Variants in SLC26A5 observed in about 807,000 individuals in gnomAD.
SLC26A5 encodes solute carrier family 26 member 5.
Under a neutral mutation model 81.0 loss-of-function variants are expected in SLC26A5, and 51 were observed. That is an observed-to-expected ratio of 0.63 (90% CI 0.50 to 0.80). The LOEUF is 0.80. SLC26A5 is among the 30% of genes least tolerant of loss of function. The pLI is 0.00. For synonymous variants in SLC26A5, 325 were observed against 332.8 expected, an observed-to-expected ratio of 0.98 and a Z score of 0.25; for missense variants, 771 against 905.8, an observed-to-expected ratio of 0.85 and a Z score of 1.91.
intron 8 of SLC26A5, among the ~76,000 whole-genome samples, chr7:103,401,574 C>T (rs962806393): frequency 3.3e-5 from 5 of 152,156 alleles, no homozygotes; most frequent in African/African-American, 1.2e-4. Context: ...CCTGATTGTC[C>T]TGGCCAGAAC....
intron 4 of SLC26A5, among the ~76,000 whole-genome samples, 193 bp from the exon 5 acceptor site, chr7:103,413,305 T>C (rs904524255): frequency 1.3e-5 from 2 of 152,208 alleles, no homozygotes; most frequent in African/African-American, 2.4e-5. Flanking sequence ...AAACTTTGCA[T>C]TGTCATCTCC....
chr7:103,411,497 T>C lies in SLC26A5; in HGVS notation c.493A>G (p.Thr165Ala), dbSNP rs373087571. 5.6e-6 allele frequency: 9 copies of C among 1,614,184 alleles called. No individual in the cohort carries two copies. Among genetic ancestry groups the C allele is most frequent in the Non-Finnish European group, 7.6e-6 (9 of 1,180,024 alleles). Residue 165 changes from threonine to alanine, a missense_variant, in exon 6 of 20, where the codon ACC (threonine) becomes GCC (alanine). Transcript: ENST00000306312. ...DIVIPGGVNA[T>A]NGTEARDALR... ...GCATCTCTGGCCTCTGTGCCATTGG[T>C]TGCATTTACTCCTCCTGGAATGACT...
intron 19 of SLC26A5, chr7:103,362,882 C>T: frequency 1.4e-6 from 1 of 708,578 alleles, no homozygotes; most frequent in South Asian, 1.8e-5. Flanking sequence ...CAACCTCTGC[C>T]TCCCGGGTTC....
At chr7:103,434,705 G>C (rs908018540) in intron 2 of SLC26A5, among the ~76,000 whole-genome samples, 1 of 152,092 alleles carries the variant, frequency 6.6e-6, no homozygotes, top group African/African-American at 2.4e-5. Context: ...AGGCTGGAGT[G>C]CAGTGGCGCG....
Position 103,420,233 on chromosome 7 carries a change from C to T in SLC26A5, c.292+505G>A, listed in dbSNP as rs565318684. On this transcript the variant is annotated intron_variant, in intron 4 of 19. Coordinates refer to ENST00000306312, the MANE Select transcript of SLC26A5 (RefSeq NM_198999.3). ...AGCAAGTGGTAAGATAATGCCCAAG[C>T]AGTGTACTGATCTGCAAAGTAGTAA... Among the ~76,000 whole-genome samples the T allele has an allele frequency of 3.3e-5, 5 of 150,178 alleles. No homozygotes were observed. In the South Asian group the frequency reaches 1.1e-3, roughly 32 times the overall value.
intron 2 of SLC26A5, among the ~76,000 whole-genome samples, chr7:103,432,547 C>T (rs1826156857): frequency 6.6e-6 from 1 of 152,108 alleles, no homozygotes; most frequent in South Asian, 2.1e-4. Flanking sequence ...CATTTCTATA[C>T]TTTTTGAAAT....
At chr7:103,411,631 T>G in intron 5 of SLC26A5, 45 bp from the exon 6 acceptor site, 1 of 1,610,672 alleles carries the variant, frequency 6.2e-7, no homozygotes, top group Non-Finnish European at 8.5e-7. Context: ...GTTCAGAGTA[T>G]CTGATATGGT....
chr7:103,390,844 G>A (rs1465608279), intron 11 of SLC26A5, among the ~76,000 whole-genome samples: 1 of 151,548 alleles, frequency 6.6e-6, no homozygotes, highest in Non-Finnish European at 1.5e-5. Context: ...ATGGGAGCCA[G>A]TAGCCACATG....
intron 4 of SLC26A5, among the ~76,000 whole-genome samples, chr7:103,414,733 A>G (rs1824776996): frequency 6.6e-6 from 1 of 152,212 alleles, no homozygotes; most frequent in African/African-American, 2.4e-5. Context: ...ATCCATGTGC[A>G]GGTTCACTTG....
In SLC26A5 at chr7:103,367,613, G is replaced by C; in HGVS notation, c.2041+9195C>G. ...AATTGAATTTAGCTTGCCCGATCTA[G>C]AGGTAAGAAAACCATTTCATTTTAG... On this transcript the variant is annotated intron_variant, in intron 19 of 19. Coordinates refer to the SLC26A5 transcript ENST00000339444. This position sits in a 1 kb window ranked among gnomAD's most constrained non-coding sequence, Gnocchi z 6.1. The C allele has an allele frequency of 6.2e-7, 1 of 1,613,894 alleles. No homozygotes were observed. Among genetic ancestry groups the C allele is most frequent in the African/African-American group, 1.3e-5 (1 of 75,048 alleles).
chr7:103,420,527 C>G (rs1328704144), intron 4 of SLC26A5, among the ~76,000 whole-genome samples: 1 of 151,986 alleles, frequency 6.6e-6, no homozygotes, highest in African/African-American at 2.4e-5. Flanking sequence ...TCTCCAACTC[C>G]CAGTCTCAAG....
At chr7:103,436,158 C>T (rs1826437198) in intron 2 of SLC26A5, among the ~76,000 whole-genome samples, 1 of 151,956 alleles carries the variant, frequency 6.6e-6, no homozygotes, top group Non-Finnish European at 1.5e-5. Context: ...ATTTTAGCAA[C>T]ACACATTATA....
intron 19 of SLC26A5, chr7:103,362,514 A>T (rs1586165442): frequency 1.4e-6 from 2 of 1,416,124 alleles, no homozygotes; most frequent in East Asian, 5.3e-5. Flanking sequence ...GACATTAGAC[A>T]TGTAGTTTAG....
chr7:103,384,762 G>T (rs902029409), intron 14 of SLC26A5, among the ~76,000 whole-genome samples: 11 of 152,172 alleles, frequency 7.2e-5, no homozygotes, highest in Non-Finnish European at 1.6e-4. Flanking sequence ...GTTGCTGATT[G>T]TCATAGGTTT....
chr7:103,383,413 A>T (rs1821943232), intron 14 of SLC26A5, among the ~76,000 whole-genome samples: 2 of 152,224 alleles, frequency 1.3e-5, no homozygotes, highest in Admixed American at 1.3e-4. Context: ...TTTCAAATGC[A>T]GATGATGAAC....
intron 19 of SLC26A5, among the ~76,000 whole-genome samples, chr7:103,357,324 C>G (rs1820092613): frequency 7.4e-6 from 1 of 135,392 alleles, no homozygotes; most frequent in Admixed American, 7.7e-5. Flanking sequence ...GATACTCTGT[C>G]TCAAAAAAAA....
At chr7:103,410,733 C>T (rs1824419871) in intron 6 of SLC26A5, among the ~76,000 whole-genome samples, 184 bp from the exon 7 acceptor site, 2 of 151,958 alleles carry the variant, frequency 1.3e-5, no homozygotes, top group East Asian at 1.9e-4. Flanking sequence ...CGGGTTCAAG[C>T]GATTCTCCTG....
chr7:103,435,214 AAAC>A (rs1392597857), intron 2 of SLC26A5: 2 of 152,080 alleles, frequency 1.3e-5, no homozygotes, highest in African/African-American at 4.8e-5. Flanking sequence ...TGTTGTGTGG[AAAC>A]AACAACTCTA....
At chr7:103,390,821 T>C (rs950294914) in intron 11 of SLC26A5, among the ~76,000 whole-genome samples, 1 of 151,674 alleles carries the variant, frequency 6.6e-6, no homozygotes, top group African/African-American at 2.4e-5. Context: ...CAGATAAGTG[T>C]CTGCTGTCCA....
Sources: allele counts gnomAD v4.1 joint callset (sites outside exome capture counted in the v4.1 genomes callset), GRCh38; gene constraint gnomAD v4.1.1; non-coding constraint Gnocchi (gnomAD v3.1); transcripts MANE v1.5; gene names NCBI Gene and HGNC (gene_info 2026-07-23, HGNC 2026-07-21).